The following IL1RAPL1 variants were observed in gnomAD, a reference collection of about 807,000 sequenced individuals.
IL1RAPL1 encodes the protein interleukin-1 receptor accessory protein-like 1.
IL1RAPL1 carries 3 observed loss-of-function variants against 48.4 expected under a neutral mutation model. That is an observed-to-expected ratio of 0.06 (90% CI 0.03 to 0.16). IL1RAPL1 has a LOEUF of 0.16. Among genes scored for constraint, IL1RAPL1 ranks in the 10% least tolerant of loss-of-function variants. The pLI, the probability that IL1RAPL1 is intolerant of heterozygous loss-of-function variation, is 1.00. For missense variants in IL1RAPL1, 349 were observed against 530.6 expected, an observed-to-expected ratio of 0.66 and a Z score of 3.36; for synonymous variants, 185 against 187.7, an observed-to-expected ratio of 0.99 and a Z score of 0.12.
chrX:29,332,018 T>C (rs1278685374), intron 3 of IL1RAPL1, among the ~76,000 whole-genome samples: 3 of 109,424 alleles, frequency 2.7e-5, no homozygotes, highest in African/African-American at 9.9e-5. Context: ...ATTACTATGA[T>C]TGTTATTTTT....
intron 5 of IL1RAPL1, among the ~76,000 whole-genome samples, chrX:29,570,145 G>A (rs770829174): frequency 8.9e-6 from 1 of 112,023 alleles, no homozygotes; most frequent in East Asian, 2.8e-4. Context: ...ATAAGCGGAT[G>A]TCAGGAACTG....
rs965555562 is a variant in IL1RAPL1, at chrX:28,958,404, A to G, written c.82+168979A>G. Among the ~76,000 whole-genome samples the G allele has an allele frequency of 3.3e-4, 37 of 111,333 alleles. 1 individual carries two copies. The highest frequency in any genetic ancestry group is 2.6e-3 in the Admixed American group (27 of 10,391). Reference sequence around the variant, plus strand: ...GATTATGAGGGTCTTTTCATTTCCTATGGGTGTGATTGAAAGCCTGAATGT... The same window carrying G: ...GATTATGAGGGTCTTTTCATTTCCTGTGGGTGTGATTGAAAGCCTGAATGT... On this transcript the variant is annotated intron_variant, in intron 2 of 10. Coordinates refer to ENST00000378993, the MANE Select transcript of IL1RAPL1 (RefSeq NM_014271.4).
chrX:29,297,340 G>T (rs945976153), intron 3 of IL1RAPL1, among the ~76,000 whole-genome samples: 2 of 112,442 alleles, frequency 1.8e-5, no homozygotes, highest in African/African-American at 6.5e-5. Context: ...TAATTTCAAC[G>T]TTTTGCATGA....
At chrX:29,834,801 G>A (rs771758401) in intron 6 of IL1RAPL1, among the ~76,000 whole-genome samples, 1 of 111,415 alleles carries the variant, frequency 9.0e-6, no homozygotes, top group Non-Finnish European at 1.9e-5. Flanking sequence ...TTGAATTTCT[G>A]GTATATTTAT....
At chrX:29,228,178 GCACACA>G (rs35435025) in intron 2 of IL1RAPL1, among the ~76,000 whole-genome samples, 5,044 of 84,308 alleles carry the variant, frequency 0.06, 396 homozygotes, top group African/African-American at 0.19. Flanking sequence ...ACACACGCGT[GCACACA>G]CACACACACA....
chrX:29,393,580 T>C (rs966517165), intron 3 of IL1RAPL1, among the ~76,000 whole-genome samples: 15 of 111,638 alleles, frequency 1.3e-4, no homozygotes, highest in African/African-American at 4.9e-4. Context: ...CAAAGAGATA[T>C]AGTACAACAG....
chrX:28,626,035 C>T (rs755443504), intron 1 of IL1RAPL1, among the ~76,000 whole-genome samples: 1 of 111,888 alleles, frequency 8.9e-6, no homozygotes, highest in East Asian at 2.8e-4. Context: ...GGGAAACATA[C>T]AAACACCAGG....
intron 2 of IL1RAPL1, among the ~76,000 whole-genome samples, chrX:29,120,598 A>G (rs1307866430): frequency 9.0e-6 from 1 of 110,787 alleles, no homozygotes; most frequent in Admixed American, 9.7e-5. Flanking sequence ...TGTTCTTTTC[A>G]CTTCAGATGA....
chrX:29,353,508 G>C (rs1439642857), intron 3 of IL1RAPL1, among the ~76,000 whole-genome samples: 1 of 111,327 alleles, frequency 9.0e-6, no homozygotes, highest in Non-Finnish European at 1.9e-5. Flanking sequence ...CTATAACAAA[G>C]GATCTTTTGA....
chrX:28,768,683 C>G (rs372391646), intron 1 of IL1RAPL1, among the ~76,000 whole-genome samples: 1 of 72,955 alleles, frequency 1.4e-5, no homozygotes, highest in African/African-American at 5.2e-5. Context: ...TGGGCTCTCT[C>G]TGTCTCTCTC....
chrX:29,772,119 G>A (rs747290501), intron 6 of IL1RAPL1, among the ~76,000 whole-genome samples: 11 of 109,498 alleles, frequency 1.0e-4, no homozygotes, highest in South Asian at 4.1e-4. Context: ...CACCCAAACC[G>A]TATTAGTGGC....
intron 2 of IL1RAPL1, among the ~76,000 whole-genome samples, chrX:29,221,755 G>A (rs994843434): frequency 4.5e-5 from 5 of 109,974 alleles, no homozygotes; most frequent in African/African-American, 1.3e-4. Context: ...GCTCACGCCC[G>A]TAATGCCAGC....
At chrX:29,699,351 A>G (rs1324085268) in intron 6 of IL1RAPL1, among the ~76,000 whole-genome samples, 3 of 112,759 alleles carry the variant, frequency 2.7e-5, no homozygotes, top group Non-Finnish European at 3.8e-5. Context: ...CTACTATTAC[A>G]TAACTCATGT....
At chrX:29,309,920 C>T (rs1303831604) in intron 3 of IL1RAPL1, among the ~76,000 whole-genome samples, 4 of 105,998 alleles carry the variant, frequency 3.8e-5, no homozygotes, top group African/African-American at 1.0e-4. Context: ...ACGGTGAAAC[C>T]CTGTCTCTAC....
At chrX:29,882,424 T>C (rs1192883643) in intron 6 of IL1RAPL1, among the ~76,000 whole-genome samples, 2 of 112,078 alleles carry the variant, frequency 1.8e-5, no homozygotes, top group Middle Eastern at 4.6e-3. Flanking sequence ...ATTCCTCATC[T>C]TCCATAAACT....
intron 2 of IL1RAPL1, among the ~76,000 whole-genome samples, chrX:28,843,055 A>G (rs1050530695): frequency 1.5e-4 from 17 of 110,848 alleles, no homozygotes; most frequent in African/African-American, 4.9e-4. Flanking sequence ...ATTTATGGAT[A>G]AAGTTGAAAT....
chrX:28,597,902 G>A (rs1933974229), intron 1 of IL1RAPL1, among the ~76,000 whole-genome samples: 1 of 109,309 alleles, frequency 9.1e-6, no homozygotes, highest in African/African-American at 3.3e-5. Context: ...GCCACACACT[G>A]TAGCAACAAT....
At chrX:29,879,642 G>GTCTT (rs1481796220) in intron 6 of IL1RAPL1, among the ~76,000 whole-genome samples, 1 of 109,711 alleles carries the variant, frequency 9.1e-6, no homozygotes, top group African/African-American at 3.3e-5. Flanking sequence ...TATTTCTTTT[G>GTCTT]TCTTTGGAAA....
intron 2 of IL1RAPL1, among the ~76,000 whole-genome samples, chrX:28,968,786 T>C (rs1321813481): frequency 2.7e-5 from 3 of 112,935 alleles, no homozygotes; most frequent in African/African-American, 9.6e-5. Flanking sequence ...TGTGCATGTG[T>C]GTGCACATAC....
Sources: allele counts gnomAD v4.1 joint callset (sites outside exome capture counted in the v4.1 genomes callset), GRCh38; gene constraint gnomAD v4.1.1; transcripts MANE v1.5; gene names NCBI Gene and HGNC (gene_info 2026-07-23, HGNC 2026-07-21).